Variants in JAKMIP1 observed in about 807,000 individuals in gnomAD.
JAKMIP1 encodes janus kinase and microtubule-interacting protein 1.
Under a neutral mutation model 113.0 loss-of-function variants are expected in JAKMIP1, and 33 were observed. That is an observed-to-expected ratio of 0.29 (90% CI 0.22 to 0.39). The LOEUF is 0.39. JAKMIP1 is among the 10% of genes least tolerant of loss of function. The probability of loss-of-function intolerance (pLI) is 1.00; values close to 1 mark genes in which losing one functional copy is unlikely to be tolerated. For missense variants in JAKMIP1, 813 were observed against 1,080.5 expected (o/e 0.75, Z 3.47); for synonymous variants, 480 against 459.9 (o/e 1.04, Z -0.56).
chr4:6,165,921 C>A (rs572095152), intron 1 of JAKMIP1, among the ~76,000 whole-genome samples: 2 of 152,148 alleles, frequency 1.3e-5, no homozygotes, highest in Non-Finnish European at 2.9e-5. Context: ...TCACTCCACC[C>A]CAAGGCTCTA....
In JAKMIP1 at chr4:6,080,123, C is replaced by T; in HGVS notation, c.1242+49G>A. 1 of 1,530,968 alleles carries T rather than the reference C, an allele frequency of 6.5e-7. No individual in the cohort carries two copies. The highest frequency in any genetic ancestry group is 8.8e-7 in the Non-Finnish European group (1 of 1,135,866). The allele number at this position is 1,530,968 out of a possible 1,614,324, so 94.8% of individuals were successfully genotyped here. On this transcript the variant is annotated intron_variant, in intron 7 of 20. Coordinates refer to ENST00000409021, the MANE Select transcript of JAKMIP1 (RefSeq NM_001099433.2). The surrounding 1 kb of genome is among the most constrained non-coding windows in gnomAD (Gnocchi z 6.0). The stretch of plus-strand genomic sequence containing the variant: ...CACCCGTTCCTGACACCCATGTCAG[C>T]TGGTGCCACCCCTGCCAGGGGCAGC...
rs529772242 is a variant in JAKMIP1, at chr4:6,043,561, C to T, written c.2029-1334G>A. ...CCACTCCCAAGCCTCAAGGCATCTC[C>T]AGGGCCTGCCAGGACCCCTGATGGG... On this transcript the variant is annotated intron_variant, in intron 16 of 20. Coordinates refer to ENST00000409021, the MANE Select transcript of JAKMIP1 (RefSeq NM_001099433.2). Among the ~76,000 whole-genome samples, 365 of 152,242 alleles carry T rather than the reference C, an allele frequency of 2.4e-3. 2 individuals are homozygous for T. The highest frequency in any genetic ancestry group is 3.9e-3 in the Non-Finnish European group (265 of 68,006).
Position 6,042,283 on chromosome 4 carries a change from G to A in JAKMIP1, c.2029-56C>T. On this transcript the variant is annotated intron_variant, in intron 16 of 20. Transcript: ENST00000409021. This position sits in a 1 kb window ranked among gnomAD's most constrained non-coding sequence, Gnocchi z 5.2. ...GCAAAGTGAGAGTCAGAACCCAAGGGGCTGTGGAATTTCACAGGTGTGTGA... is the reference window on the plus strand; with the variant it reads ...GCAAAGTGAGAGTCAGAACCCAAGGAGCTGTGGAATTTCACAGGTGTGTGA... 7.1e-7 allele frequency: 1 copy of A among 1,405,804 alleles called. No individual in the cohort carries two copies. The highest frequency in any genetic ancestry group is 1.2e-5 in the South Asian group (1 of 86,594). 87.1% of individuals were successfully genotyped at this position (1,405,804 alleles called of 1,614,324 possible).
At position 6,051,542 on chromosome 4, in the gene JAKMIP1, A is replaced by G. The variant is rs1715665426; in HGVS notation, c.1807-863T>C. On this transcript the variant is annotated intron_variant, in intron 13 of 20. Coordinates refer to ENST00000409021, the MANE Select transcript of JAKMIP1 (RefSeq NM_001099433.2). This position sits in a 1 kb window ranked among gnomAD's most constrained non-coding sequence, Gnocchi z 5.0. The stretch of plus-strand genomic sequence containing the variant: ...GGCGTAAGCCACCTCGCCCGGCCCC[A>G]AAGGCTGACTTTCTGTTCTTTCCAA... 1.3e-5 allele frequency among the ~76,000 whole-genome samples: 2 copies of G among 152,302 alleles called. No individual in the cohort carries two copies. Among genetic ancestry groups the G allele is most frequent in the East Asian group, 1.9e-4 (1 of 5,186 alleles).
Position 6,179,182 on chromosome 4 carries a change from G to A in JAKMIP1, c.-148+21071C>T, listed in dbSNP as rs2109037180. 6.6e-6 allele frequency among the ~76,000 whole-genome samples: 1 copy of A among 152,294 alleles called. No homozygotes were observed. The highest frequency in any genetic ancestry group is 1.5e-5 in the Non-Finnish European group (1 of 68,024). On this transcript the variant is annotated intron_variant, in intron 1 of 20. Coordinates refer to ENST00000409021, the MANE Select transcript of JAKMIP1 (RefSeq NM_001099433.2). The surrounding 1 kb of genome is among the most constrained non-coding windows in gnomAD (Gnocchi z 4.5). The stretch of plus-strand genomic sequence containing the variant: ...CTAGGTCTCCCATGCCACCTTTGCT[G>A]AAACCACCTGGGCAGCCCTATGTGG...
chr4:6,150,994 A>G lies in JAKMIP1; in HGVS notation c.-147-37997T>C, dbSNP rs1721505178. ...CCTGGTGAAGGCTGCTGGGGATGGC[A>G]GCTCTTTCTCCCCAAGCTTTGGCTT... is the stretch of plus-strand genomic sequence containing the variant. On this transcript the variant is annotated intron_variant, in intron 1 of 20. Coordinates refer to ENST00000409021, the MANE Select transcript of JAKMIP1 (RefSeq NM_001099433.2). This position sits in a 1 kb window ranked among gnomAD's most constrained non-coding sequence, Gnocchi z 4.8. Among the ~76,000 whole-genome samples the G allele has an allele frequency of 6.6e-6, 1 of 152,038 alleles. No individual in the cohort carries two copies.
chr4:6,176,808 G>A lies in JAKMIP1; in HGVS notation c.-148+23445C>T, dbSNP rs113740744. On this transcript the variant is annotated intron_variant, in intron 1 of 20. Coordinates refer to ENST00000409021, the MANE Select transcript of JAKMIP1 (RefSeq NM_001099433.2). The surrounding 1 kb of genome is among the most constrained non-coding windows in gnomAD (Gnocchi z 5.5). The stretch of plus-strand genomic sequence containing the variant: ...GCACTTTTTGGGGGCCGAGGCAGGC[G>A]GATCACTTGAGCCCAGAAGTTAGAA... Among the ~76,000 whole-genome samples the A allele has an allele frequency of 0.012, 1,787 of 152,266 alleles. 29 individuals carry two copies. Among genetic ancestry groups the A allele is most frequent in the African/African-American group, 0.04 (1,681 of 41,524 alleles).
chr4:6,081,481 G>T lies in JAKMIP1; in HGVS notation c.1101+128C>A. On this transcript the variant is annotated intron_variant, in intron 6 of 20. Coordinates refer to ENST00000409021, the MANE Select transcript of JAKMIP1 (RefSeq NM_001099433.2). The surrounding 1 kb of genome is among the most constrained non-coding windows in gnomAD (Gnocchi z 4.6). ...GCGAGACATCTGTGACTGACACTGT[G>T]CCTGGTGCTTTGTGGGGAGGTGGGC... 1 of 980,478 alleles carries T rather than the reference G, an allele frequency of 1.0e-6. No individual in the cohort carries two copies. The highest frequency in any genetic ancestry group is 1.6e-6 in the Non-Finnish European group (1 of 642,846). The allele number at this position is 980,478 out of a possible 1,614,324, so 60.7% of individuals were successfully genotyped here.
chr4:6,146,662 C>T (rs924866376), intron 1 of JAKMIP1, among the ~76,000 whole-genome samples: 6 of 152,168 alleles, frequency 3.9e-5, no homozygotes, highest in African/African-American at 9.7e-5. Context: ...CACTACTGGA[C>T]TGTACACTGA....
rs537189275 is a variant in JAKMIP1, at chr4:6,061,743, A to G, written c.1560+569T>C. ...CGTGTGTGCTCTCCGGGAGTCCTCC[A>G]CACTCCCAGGAGGAAGCGAGAGCAG... is the stretch of plus-strand genomic sequence containing the variant. On this transcript the variant is annotated intron_variant, in intron 10 of 20. Transcript: ENST00000409021. The surrounding 1 kb of genome is among the most constrained non-coding windows in gnomAD (Gnocchi z 5.3). 1.4e-3 allele frequency among the ~76,000 whole-genome samples: 211 copies of G among 152,236 alleles called. No homozygotes were observed. Among genetic ancestry groups the G allele is most frequent in the African/African-American group, 4.9e-3 (203 of 41,544 alleles).
At chr4:6,115,174 C>T (rs995474336) in intron 1 of JAKMIP1, among the ~76,000 whole-genome samples, 2 of 152,104 alleles carry the variant, frequency 1.3e-5, no homozygotes, top group South Asian at 2.1e-4. Flanking sequence ...TTTGGGAGGC[C>T]GAGGTGGGCA....
intron 1 of JAKMIP1, among the ~76,000 whole-genome samples, chr4:6,173,749 G>A (rs1725015930): frequency 6.6e-6 from 1 of 152,142 alleles, no homozygotes; most frequent in African/African-American, 2.4e-5. Context: ...TAAATGTTGT[G>A]ACTTTTATCT....
intron 1 of JAKMIP1, among the ~76,000 whole-genome samples, chr4:6,145,355 C>T (rs2108970063): frequency 6.6e-6 from 1 of 152,282 alleles, no homozygotes; most frequent in African/African-American, 2.4e-5. Flanking sequence ...AGTCACAGAG[C>T]TGATTAGTGG....
At chr4:6,057,386 G>C (rs1012188139) in intron 11 of JAKMIP1, among the ~76,000 whole-genome samples, 23 of 152,332 alleles carry the variant, frequency 1.5e-4, no homozygotes, top group Middle Eastern at 3.4e-3. Context: ...GCTGGGGCTG[G>C]GCTGAGGCCC....
intron 1 of JAKMIP1, among the ~76,000 whole-genome samples, chr4:6,173,833 C>T (rs1255095334): frequency 2.0e-5 from 3 of 152,060 alleles, no homozygotes; most frequent in East Asian, 1.9e-4. Context: ...CCCAGCACTT[C>T]GGGAGGCCAA....
chr4:6,140,389 C>T lies in JAKMIP1; in HGVS notation c.-147-27392G>A, dbSNP rs1346000158. 4.6e-5 allele frequency among the ~76,000 whole-genome samples: 7 copies of T among 152,012 alleles called. No individual in the cohort carries two copies. Among genetic ancestry groups the T allele is most frequent in the Admixed American group, 4.6e-4 (7 of 15,270 alleles). ...CGTGGCGAGGCTGGCTCAGCAGGAG[C>T]ACTGTCCCTGTTCCCCCAAAAGGCC... On this transcript the variant is annotated intron_variant, in intron 1 of 20. Transcript: ENST00000409021. This position sits in a 1 kb window ranked among gnomAD's most constrained non-coding sequence, Gnocchi z 9.4.
intron 8 of JAKMIP1, among the ~76,000 whole-genome samples, chr4:6,070,568 T>G (rs1013002111): frequency 1.3e-5 from 2 of 152,260 alleles, no homozygotes; most frequent in African/African-American, 4.8e-5. Flanking sequence ...GCCGAGAGCC[T>G]GTTGTCAACA....
intron 1 of JAKMIP1, among the ~76,000 whole-genome samples, chr4:6,174,183 A>C (rs1725068894): frequency 6.6e-6 from 1 of 152,236 alleles, no homozygotes. Context: ...ATATAGCAAA[A>C]TGATGATGTG....
chr4:6,152,811 C>CATATATATATATAT (rs1205061386), intron 1 of JAKMIP1, among the ~76,000 whole-genome samples: 1 of 103,434 alleles, frequency 9.7e-6, no homozygotes, highest in Admixed American at 1.0e-4. Flanking sequence ...TATATATATA[C>CATATATATATATAT]ATATATATAT....
Sources: allele counts gnomAD v4.1 joint callset (sites outside exome capture counted in the v4.1 genomes callset), GRCh38; gene constraint gnomAD v4.1.1; non-coding constraint Gnocchi (gnomAD v3.1); transcripts MANE v1.5; gene names NCBI Gene and HGNC (gene_info 2026-07-23, HGNC 2026-07-21).